GBF1: variants seen among roughly 807,000 people sequenced by gnomAD.
The protein encoded by GBF1 is Golgi-specific brefeldin A-resistance guanine nucleotide exchange factor 1.
Under a neutral mutation model 210.5 loss-of-function variants are expected in GBF1, and 114 were observed. The ratio of observed to expected loss-of-function variants is 0.54; its 90% CI spans 0.47 to 0.63. The LOEUF is 0.63. Ranked by LOEUF, GBF1 falls within the 30% of genes least tolerant of loss-of-function variation. The pLI is 0.00. For synonymous variants in GBF1, 850 were observed against 889.2 expected (o/e 0.96, Z 0.78); for missense variants, 1,851 against 2,357.7 (o/e 0.79, Z 4.45).
At chr10:102,262,927 A>G (rs968568257) in intron 3 of GBF1, among the ~76,000 whole-genome samples, 1 of 152,154 alleles carries the variant, frequency 6.6e-6, no homozygotes, top group African/African-American at 2.4e-5. Context: ...GGGTGTTGCT[A>G]AGCTTTCCCC....
intron 1 of GBF1, among the ~76,000 whole-genome samples, chr10:102,254,723 CTTAT>C (rs1371874902): frequency 6.6e-6 from 1 of 151,992 alleles, no homozygotes; most frequent in East Asian, 2.0e-4. Context: ...TGTTCCCTCT[CTTAT>C]TTATTTTTTT....
intron 3 of GBF1, among the ~76,000 whole-genome samples, chr10:102,315,241 AAC>A (rs1439987334): frequency 2.2e-4 from 33 of 152,172 alleles, no homozygotes; most frequent in Non-Finnish European, 2.5e-4. Flanking sequence ...GGGGGTCCCC[AAC>A]CCCCTGGCCA....
chr10:102,245,937 G>A (rs2070768306), intron 1 of GBF1, among the ~76,000 whole-genome samples, 156 bp downstream of exon 1: 1 of 152,172 alleles, frequency 6.6e-6, no homozygotes, highest in Non-Finnish European at 1.5e-5. Context: ...TTGTGGGAGG[G>A]AACAGGGAGG....
chr10:102,312,295 G>GA (rs199516651), intron 3 of GBF1, among the ~76,000 whole-genome samples: 1,950 of 128,910 alleles, frequency 0.015, 27 homozygotes, highest in African/African-American at 0.048. Context: ...CTCTGTCTCA[G>GA]AAAAAAAAAA....
intron 3 of GBF1, among the ~76,000 whole-genome samples, chr10:102,311,319 G>A (rs1031230782): frequency 3.3e-5 from 5 of 152,186 alleles, no homozygotes; most frequent in Non-Finnish European, 7.3e-5. Context: ...AGGCTAACGC[G>A]GCTGTGAAGA....
chr10:102,375,632 C>A, intron 30 of GBF1, 48 bp downstream of exon 30: 1 of 1,219,116 alleles, frequency 8.2e-7, no homozygotes, highest in Non-Finnish European at 1.2e-6. Flanking sequence ...AACAGTTACA[C>A]CCCAGGAGTT....
intron 3 of GBF1, among the ~76,000 whole-genome samples, chr10:102,281,985 G>GGC (rs1039793969): frequency 6.9e-6 from 1 of 145,002 alleles, no homozygotes. Flanking sequence ...GGAGTGCAGT[G>GGC]GCGCGATCTT....
At chr10:102,324,455 T>A (rs950905508) in intron 3 of GBF1, among the ~76,000 whole-genome samples, 1 of 152,244 alleles carries the variant, frequency 6.6e-6, no homozygotes, top group Non-Finnish European at 1.5e-5. Context: ...TCCTTTGGGA[T>A]CTAGGATCTC....
At chr10:102,351,440 C>T in intron 5 of GBF1, 66 bp downstream of exon 5, 1 of 887,394 alleles carries the variant, frequency 1.1e-6, no homozygotes, top group Admixed American at 1.7e-5. Context: ...TCTACTTACT[C>T]TGCCCACAGC....
intron 1 of GBF1, among the ~76,000 whole-genome samples, chr10:102,255,350 T>G (rs967036082): frequency 6.6e-6 from 1 of 152,206 alleles, no homozygotes; most frequent in African/African-American, 2.4e-5. Flanking sequence ...CCTAGATGTT[T>G]CTTTTTTACA....
intron 3 of GBF1, among the ~76,000 whole-genome samples, chr10:102,286,194 G>GTTTTTTTTGT (rs1565060425): frequency 4.0e-5 from 5 of 126,354 alleles, no homozygotes; most frequent in South Asian, 2.5e-4. Context: ...AAGCATAAGG[G>GTTTTTTTTGT]TTTTTTTTTT....
chr10:102,272,737 A>G (rs546094096), intron 3 of GBF1, among the ~76,000 whole-genome samples: 12 of 152,358 alleles, frequency 7.9e-5, no homozygotes, highest in Non-Finnish European at 1.6e-4. Context: ...AGGCAGGATA[A>G]ATGCTTAATT....
At chr10:102,346,601 G>A (rs192645115) in intron 4 of GBF1, among the ~76,000 whole-genome samples, 10 of 152,082 alleles carry the variant, frequency 6.6e-5, no homozygotes, top group African/African-American at 1.9e-4. Flanking sequence ...CTTGACCTTC[G>A]GGCTCAGGTG....
At chr10:102,231,603 G>T in the GBF1 span, 27 of 1,605,242 alleles carry the variant, frequency 1.7e-5, no homozygotes, top group Non-Finnish European at 1.9e-5. Flanking sequence ...CGCGGGCCTC[G>T]GTGAGGTTGG....
chr10:102,317,517 G>T (rs555731928), intron 3 of GBF1, among the ~76,000 whole-genome samples: 1 of 152,222 alleles, frequency 6.6e-6, no homozygotes, highest in South Asian at 2.1e-4. Flanking sequence ...ACTTGAGAAG[G>T]CTGAGGCAGG....
At chr10:102,230,766 GCCCAGGCCCTGCAGGGC>G in the GBF1 span, 60 of 1,510,390 alleles carry the variant, frequency 4.0e-5, no homozygotes, top group Admixed American at 1.1e-4. Flanking sequence ...GGGGGCCCCC[GCCCAGGCCCTGCAGGGC>G]CCCAGGCCCT....
chr10:102,307,518 C>T (rs2078001707), intron 3 of GBF1, among the ~76,000 whole-genome samples: 1 of 151,572 alleles, frequency 6.6e-6, no homozygotes, highest in Non-Finnish European at 1.5e-5. Flanking sequence ...CAGCTGGGCA[C>T]AGTGGCTCAC....
intron 3 of GBF1, among the ~76,000 whole-genome samples, chr10:102,318,472 T>A (rs886122737): frequency 1.5e-5 from 2 of 132,220 alleles, no homozygotes; most frequent in African/African-American, 5.2e-5. Context: ...ATTACAGGCA[T>A]GAGCACCGTG....
intron 3 of GBF1, among the ~76,000 whole-genome samples, chr10:102,317,288 C>G (rs1257612682): frequency 1.3e-5 from 2 of 152,102 alleles, no homozygotes; most frequent in Non-Finnish European, 2.9e-5. Context: ...TAGCCCATGT[C>G]TACATAGACT....
Sources: gnomAD v4.1 joint callset for allele counts (sites outside exome capture counted in the v4.1 genomes callset) on GRCh38, gnomAD v4.1.1 for gene constraint, MANE v1.5 for transcripts, NCBI Gene and HGNC (gene_info 2026-07-23, HGNC 2026-07-21) for gene names.